ARHGAP23: variants seen among roughly 807,000 people sequenced by gnomAD.
ARHGAP23 encodes rho GTPase-activating protein 23.
A neutral mutation model predicts 136.3 loss-of-function variants in ARHGAP23; 34 were observed. The ratio of observed to expected loss-of-function variants is 0.25; its 90% CI spans 0.19 to 0.33. The LOEUF (loss-of-function observed/expected upper bound fraction) is 0.33, where lower values mean the gene tolerates loss of function less well. ARHGAP23 is among the 10% of genes least tolerant of loss of function. The pLI is 1.00. For missense variants in ARHGAP23, 1,808 were observed against 2,139.0 expected, an observed-to-expected ratio of 0.85 and a Z score of 3.05; for synonymous variants, 832 against 920.5, an observed-to-expected ratio of 0.90 and a Z score of 1.74.
Position 38,471,741 on chromosome 17 carries a change from A to G in ARHGAP23, c.1975-122A>G, listed in dbSNP as rs1310562036. 2.6e-6 allele frequency: 3 copies of G among 1,172,494 alleles called. No homozygotes were observed. The African/African-American group carries it at 4.6e-5, about 18-fold the overall frequency. The allele number at this position is 1,172,494 out of a possible 1,614,324, so 72.6% of individuals were successfully genotyped here. On this transcript the variant is annotated intron_variant, in intron 10 of 23. Transcript: ENST00000622683. The stretch of plus-strand genomic sequence containing the variant: ...ACAAGCAATGCCCATGAGGTCGCAC[A>G]GCACATCGGGGTGTAGCACAGACAT...
chr17:38,439,330 T>C (rs2144520046), intron 1 of ARHGAP23, among the ~76,000 whole-genome samples: 1 of 152,292 alleles, frequency 6.6e-6, no homozygotes, highest in South Asian at 2.1e-4. Context: ...ATATCTTCCG[T>C]AAAGCCTCCC....
At chr17:38,432,412 G>A (rs1041373904) in intron 1 of ARHGAP23, among the ~76,000 whole-genome samples, 1 of 152,140 alleles carries the variant, frequency 6.6e-6, no homozygotes, top group Non-Finnish European at 1.5e-5. Flanking sequence ...AGGAGCAGTG[G>A]CTGACACCTG....
chr17:38,500,783 C>G lies in ARHGAP23; in HGVS notation c.3447+155C>G, dbSNP rs1273497713. 11 of 710,482 alleles carry G rather than the reference C, an allele frequency of 1.5e-5. No individual in the cohort carries two copies. The Admixed American group carries it at 2.8e-4, about 18-fold the overall frequency. The allele number at this position is 710,482 out of a possible 1,614,324, so 44.0% of individuals were successfully genotyped here. ...GGAGGTACCGAGTGCCCAAGGTAAG[C>G]TGAGAAATTGCTTACCTTGGCAGTG... On this transcript the variant is annotated intron_variant, in intron 23 of 23. Transcript: ENST00000622683.
chr17:38,420,657 A>C (rs1345859028), intron 1 of ARHGAP23, among the ~76,000 whole-genome samples: 1 of 152,088 alleles, frequency 6.6e-6, no homozygotes, highest in Non-Finnish European at 1.5e-5. Context: ...ACTGGGAGGC[A>C]TAAAGTGCTC....
chr17:38,436,318 C>T (rs1275278602), intron 1 of ARHGAP23, among the ~76,000 whole-genome samples: 3 of 152,138 alleles, frequency 2.0e-5, no homozygotes, highest in Admixed American at 2.0e-4. Context: ...ACCCCCAGTG[C>T]TAGGGAAAGC....
chr17:38,458,224 C>G lies in ARHGAP23; in HGVS notation c.186C>G (p.Ile62Met). The G allele has an allele frequency of 6.5e-7, 1 of 1,535,272 alleles. No individual in the cohort carries two copies. The highest frequency in any genetic ancestry group is 8.7e-7 in the Non-Finnish European group (1 of 1,146,324). The change falls in exon 2 of 24, where the codon ATC becomes ATG. Residue 62 changes from isoleucine (I) to methionine (M), a missense_variant. Ile to Met is a conservative substitution (Grantham distance 10). Coordinates refer to ENST00000622683, the MANE Select transcript of ARHGAP23 (RefSeq NM_001199417.2). ...DGFGFTLRHF[I>M]VYPPESAVHC... ...TTGGCTTCACTCTGCGCCACTTCATCGTGTACCCACCCGAGTCGGCCGTGC... is the reference window on the plus strand; with the variant it reads ...TTGGCTTCACTCTGCGCCACTTCATGGTGTACCCACCCGAGTCGGCCGTGC...
chr17:38,421,821 T>C (rs980878710), intron 1 of ARHGAP23, among the ~76,000 whole-genome samples: 3 of 152,246 alleles, frequency 2.0e-5, no homozygotes, highest in Non-Finnish European at 4.4e-5. Context: ...TTTCCAGAGC[T>C]TCGACGGGGA....
rs577829171 is a variant in ARHGAP23 at position 38,510,795 on chromosome 17, T to TGCGGGCGC, written c.4308_4315dup (p.His1439ArgfsTer70). The TGCGGGCGC allele has an allele frequency of 1.3e-6, 2 of 1,503,008 alleles. No individual in the cohort carries two copies. The highest frequency in any genetic ancestry group is 1.3e-5 in the South Asian group (1 of 79,556). The allele number at this position is 1,503,008 out of a possible 1,614,324, so 93.1% of individuals were successfully genotyped here. ...TGGGCGGAGGGGGCCCCCCGGAGCC[T>TGCGGGCGC]GCGGGCGCGCGGGCGCACAGTGACA... On this transcript the variant is annotated frameshift_variant, in exon 24 of 24. Coordinates refer to ENST00000622683, the MANE Select transcript of ARHGAP23 (RefSeq NM_001199417.2). LOFTEE classifies it high-confidence loss of function. The surrounding 1 kb of genome is among the most constrained non-coding windows in gnomAD (Gnocchi z 4.6).
intron 1 of ARHGAP23, among the ~76,000 whole-genome samples, chr17:38,436,521 G>C (rs963445466): frequency 6.6e-6 from 1 of 152,204 alleles, no homozygotes; most frequent in Non-Finnish European, 1.5e-5. Context: ...GGCTGGAGCC[G>C]AATCGAACCC....
chr17:38,503,668 T>G (rs59203378), intron 23 of ARHGAP23, among the ~76,000 whole-genome samples: 1,586 of 152,314 alleles, frequency 0.01, 34 homozygotes, highest in African/African-American at 0.036. Context: ...TGGCTTGAAA[T>G]TCCTTCCTCC....
At chr17:38,498,350 C>A in intron 21 of ARHGAP23, 64 bp from the exon 22 acceptor site, 2 of 1,360,856 alleles carry the variant, frequency 1.5e-6, no homozygotes, top group South Asian at 1.4e-5. Context: ...AGGGCACCCC[C>A]CTCTGGGGGG....
intron 3 of ARHGAP23, 141 bp from the exon 4 acceptor site, chr17:38,462,705 C>T: frequency 1.6e-6 from 1 of 628,018 alleles, no homozygotes; most frequent in Non-Finnish European, 2.6e-6. Context: ...TGTCCAGTGT[C>T]CTCGTGGATG....
intron 6 of ARHGAP23, 100 bp downstream of exon 6, chr17:38,463,482 C>A: frequency 7.2e-7 from 1 of 1,390,454 alleles, no homozygotes; most frequent in Non-Finnish European, 9.9e-7. Context: ...GGGCACAGGC[C>A]GACATTGCCC....
At chr17:38,480,095 C>T (rs934889530) in intron 14 of ARHGAP23, among the ~76,000 whole-genome samples, 6 of 152,262 alleles carry the variant, frequency 3.9e-5, no homozygotes, top group Non-Finnish European at 5.9e-5. Flanking sequence ...ATTCCCGTCC[C>T]TGACATCCCT....
chr17:38,420,962 G>C (rs8079720), intron 1 of ARHGAP23, among the ~76,000 whole-genome samples: 36,033 of 151,926 alleles, frequency 0.24, 4,669 homozygotes, highest in African/African-American at 0.34. Flanking sequence ...GGCCACTACT[G>C]CTTCCTGTCT....
At chr17:38,443,756 C>CG (rs929062807) in intron 1 of ARHGAP23, among the ~76,000 whole-genome samples, 7 of 152,126 alleles carry the variant, frequency 4.6e-5, no homozygotes, top group African/African-American at 1.4e-4. Context: ...CATGTGCCCC[C>CG]GGGAGACTTT....
intron 23 of ARHGAP23, among the ~76,000 whole-genome samples, chr17:38,504,516 G>A (rs1203064485): frequency 1.3e-5 from 2 of 152,198 alleles, no homozygotes; most frequent in Non-Finnish European, 1.5e-5. Context: ...GGACATTCAC[G>A]ACTGCCAGCC....
chr17:38,460,598 G>T (rs1278173575), intron 2 of ARHGAP23, among the ~76,000 whole-genome samples: 1 of 152,190 alleles, frequency 6.6e-6, no homozygotes, highest in East Asian at 1.9e-4. Flanking sequence ...TTCTGTGTGT[G>T]TGAGCCTGTG....
At chr17:38,423,850 T>A (rs547081377), upstream of ARHGAP23, among the ~76,000 whole-genome samples, 1 of 152,296 alleles carries the variant, frequency 6.6e-6, no homozygotes, top group East Asian at 1.9e-4. Context: ...GGGGATGCTC[T>A]TTCTCCTTTG....
Sources: allele counts gnomAD v4.1 joint callset (sites outside exome capture counted in the v4.1 genomes callset), GRCh38; gene constraint gnomAD v4.1.1; non-coding constraint Gnocchi (gnomAD v3.1); transcripts MANE v1.5; gene names NCBI Gene and HGNC (gene_info 2026-07-23, HGNC 2026-07-21).